The following PIGV variants were observed in gnomAD, a reference collection of about 807,000 sequenced individuals.
PIGV encodes GPI alpha-1,6-mannosyltransferase 2.
Under a neutral mutation model 39.2 loss-of-function variants are expected in PIGV, and 27 were observed. That is an observed-to-expected ratio of 0.69 (90% CI 0.51 to 0.95). The LOEUF is 0.95. Among genes scored for constraint, PIGV ranks in the 40% least tolerant of loss-of-function variants. The pLI, the probability that PIGV is intolerant of heterozygous loss-of-function variation, is 0.00. For synonymous variants in PIGV, 232 were observed against 241.7 expected (o/e 0.96, Z 0.37); for missense variants, 523 against 586.4 (o/e 0.89, Z 1.12).
rs1323114477 is a variant in PIGV, at chr1:26,794,681, C to A, written c.647C>A (p.Ser216Tyr). The change falls in exon 3 of 4, where the codon TCT (serine) becomes TAT (tyrosine). Residue 216 changes from serine to tyrosine, a missense_variant. Coordinates refer to ENST00000674202, the MANE Select transcript of PIGV (RefSeq NM_017837.4). ...GLVSVGFLMHSQCQGFFSSLT... is the reference protein window; with the variant it reads ...GLVSVGFLMHYQCQGFFSSLT... ...GTCAGTGTTGGCTTCCTCATGCATTCTCAATGCCAAGGCTTTTTCTCTTCT... is the reference window on the plus strand; with the variant it reads ...GTCAGTGTTGGCTTCCTCATGCATTATCAATGCCAAGGCTTTTTCTCTTCT... The A allele has an allele frequency of 6.2e-7, 1 of 1,614,214 alleles. No individual in the cohort carries two copies. The highest frequency in any genetic ancestry group is 1.1e-5 in the South Asian group (1 of 91,074).
In PIGV at chr1:26,794,387, C is replaced by T. The variant is rs1320617918; in HGVS notation, c.353C>T (p.Ser118Leu). 3.1e-6 allele frequency: 5 copies of T among 1,614,110 alleles called. No individual in the cohort carries two copies. Among genetic ancestry groups the T allele is most frequent in the Admixed American group, 1.7e-5 (1 of 60,004 alleles). Residue 118 changes from serine to leucine, a missense_variant, in exon 3 of 4, where the codon TCG becomes TTG. Physicochemically the swap from Ser to Leu is moderately radical, Grantham distance 145 (BLOSUM62 -2). Transcript: ENST00000674202. ...LLSLRSCLLI[S>L]VASLNFLFFM... ...AGTCTACGCAGTTGCCTGCTGATTT[C>T]GGTAGCATCACTCAATTTCTTGTTC...
Position 26,797,848 on chromosome 1 carries a change from G to A in PIGV, c.*4G>A, listed in dbSNP as rs889998573. 14 of 1,613,966 alleles carry A rather than the reference G, an allele frequency of 8.7e-6. 1 individual carries two copies. In the African/African-American group the frequency reaches 1.9e-4, roughly 22 times the overall value. On this transcript the variant is annotated 3_prime_UTR_variant, in exon 4 of 4. Transcript: ENST00000674202. ...CAACTTCCTGCCTTGGACATGACCTGGACTCTCCAGGGACAGGTTGGAAGC... is the reference window on the plus strand; with the variant it reads ...CAACTTCCTGCCTTGGACATGACCTAGACTCTCCAGGGACAGGTTGGAAGC...
chr1:26,794,233 G>A lies in PIGV; in HGVS notation c.199G>A (p.Asp67Asn), dbSNP rs773179141. 5.6e-6 allele frequency: 9 copies of A among 1,614,090 alleles called. No homozygotes were observed. Among genetic ancestry groups the A allele is most frequent in the Non-Finnish European group, 7.6e-6 (9 of 1,180,046 alleles). Reference protein sequence around the residue: ...EGLLGGLSHWDAEHFLFIAEH... With the variant: ...EGLLGGLSHWNAEHFLFIAEH... ...TCTTCTGGGCGGCCTGTCTCACTGG[G>A]ATGCTGAACACTTCTTGTTCATTGC... Residue 67 changes from aspartate (D) to asparagine (N), a missense_variant, in exon 3 of 4, where the codon GAT (aspartate) becomes AAT (asparagine). Physicochemically the swap from Asp to Asn is conservative, Grantham distance 23. Coordinates refer to ENST00000674202, the MANE Select transcript of PIGV (RefSeq NM_017837.4).
chr1:26,791,094 C>T lies in PIGV; in HGVS notation c.78+201C>T, dbSNP rs145523998. ...TGATCTTGTTTTACCCATGAAGCAG[C>T]AGAGGCCCAGAAAGGTTAAGTGACA... On this transcript the variant is annotated intron_variant, in intron 2 of 3. Transcript: ENST00000674202. 5.0e-4 allele frequency among the ~76,000 whole-genome samples: 76 copies of T among 152,212 alleles called. 1 individual carries two copies. Among genetic ancestry groups the T allele is most frequent in the African/African-American group, 1.8e-3 (73 of 41,542 alleles).
At chr1:26,788,989 G>C (rs946118505) in intron 1 of PIGV, 2 of 152,206 alleles carry the variant, frequency 1.3e-5, no homozygotes, top group African/African-American at 4.8e-5. Flanking sequence ...AGCTTGACTC[G>C]AGAGAGGAAA....
At chr1:26,795,709 CAAAAAA>C (rs1005170504) in intron 3 of PIGV, among the ~76,000 whole-genome samples, 3,535 of 27,412 alleles carry the variant, frequency 0.13, 65 homozygotes, top group Middle Eastern at 0.21. Flanking sequence ...GACTCTATCT[CAAAAAA>C]AAAAAAAAAA....
In PIGV at chr1:26,794,828, T is replaced by C. The variant is rs377225655; in HGVS notation, c.794T>C (p.Leu265Pro). The C allele has an allele frequency of 5.6e-6, 9 of 1,613,810 alleles. No individual in the cohort carries two copies. The highest frequency in any genetic ancestry group is 1.6e-4 in the Middle Eastern group (1 of 6,080). ...FQYYAYTQFC[L>P]PGSARPIPEP... ...TATTATGCCTACACCCAATTCTGTCTGCCAGGCTCAGCCCGCCCCATTCCT... is the reference window on the plus strand; with the variant it reads ...TATTATGCCTACACCCAATTCTGTCCGCCAGGCTCAGCCCGCCCCATTCCT... The change falls in exon 3 of 4, where the codon CTG becomes CCG. Residue 265 changes from leucine (L) to proline (P), a missense_variant. Leu to Pro is a moderately conservative substitution (Grantham distance 98). Transcript: ENST00000674202.
rs780914036 is a variant in PIGV at position 26,794,030 on chromosome 1, T to C, written c.79-83T>C. The C allele has an allele frequency of 1.2e-4, 155 of 1,341,614 alleles. No homozygotes were observed. In the Middle Eastern group the frequency reaches 2.0e-3, roughly 17 times the overall value. 83.1% of individuals were successfully genotyped at this position (1,341,614 alleles called of 1,614,324 possible). On this transcript the variant is annotated intron_variant, in intron 2 of 3. Transcript: ENST00000674202. ...AAAGTGGGGATTACAGGCATGAGCC[T>C]GGCCTTCTTCCTCATTTTATTAAAT...
chr1:26,797,496 G>A (rs1459236211), intron 3 of PIGV, 67 bp from the exon 4 acceptor site: 1 of 1,362,656 alleles, frequency 7.3e-7, no homozygotes, highest in South Asian at 1.2e-5. Context: ...GAAGTCCCCG[G>A]GCTGGTCCAA....
rs369959763 is a variant in PIGV at position 26,794,413 on chromosome 1, T to C, written c.379T>C (p.Phe127Leu). 2.5e-6 allele frequency: 4 copies of C among 1,614,158 alleles called. No individual in the cohort carries two copies. The African/African-American group carries it at 5.3e-5, about 22-fold the overall frequency. Reference sequence around the variant, plus strand: ...GGTAGCATCACTCAATTTCTTGTTCTTCATGTTGGCTGCAGTTGCACTTCA... The same window carrying C: ...GGTAGCATCACTCAATTTCTTGTTCCTCATGTTGGCTGCAGTTGCACTTCA... ...ISVASLNFLF[F>L]MLAAVALHDL... is the part of the protein sequence containing the mutation. Residue 127 changes from phenylalanine (F) to leucine (L), a missense_variant, in exon 3 of 4, where the codon TTC becomes CTC. Coordinates refer to ENST00000674202, the MANE Select transcript of PIGV (RefSeq NM_017837.4).
rs1418059952 is a variant in PIGV at position 26,800,578 on chromosome 1, T to C, written c.*2734T>C. 6.6e-6 allele frequency among the ~76,000 whole-genome samples: 1 copy of C among 152,168 alleles called. No homozygotes were observed. Among genetic ancestry groups the C allele is most frequent in the Non-Finnish European group, 1.5e-5 (1 of 68,030 alleles). On this transcript the variant is annotated 3_prime_UTR_variant, in exon 4 of 4. Coordinates refer to ENST00000674202, the MANE Select transcript of PIGV (RefSeq NM_017837.4). ...ATCTGAAAATGTAATATGTGCAGGCTCAAGGGATTTGAAACTGATTGATTC... is the reference window on the plus strand; with the variant it reads ...ATCTGAAAATGTAATATGTGCAGGCCCAAGGGATTTGAAACTGATTGATTC...
In PIGV at chr1:26,800,362, C is replaced by T. The variant is rs1035522142; in HGVS notation, c.*2518C>T. On this transcript the variant is annotated 3_prime_UTR_variant, in exon 4 of 4. Coordinates refer to ENST00000674202, the MANE Select transcript of PIGV (RefSeq NM_017837.4). ...ACAATGCCACAGCTAGGTGGGGTGT[C>T]TACAGTTTCAGAGAAAAGTCATTTC... 7.9e-5 allele frequency among the ~76,000 whole-genome samples: 12 copies of T among 151,644 alleles called. No homozygotes were observed. The highest frequency in any genetic ancestry group is 1.6e-4 in the Non-Finnish European group (11 of 67,976).
chr1:26,797,684 A>G lies in PIGV; in HGVS notation c.1322A>G (p.Glu441Gly). The G allele has an allele frequency of 1.2e-6, 2 of 1,614,190 alleles. No individual in the cohort carries two copies. The highest frequency in any genetic ancestry group is 1.7e-6 in the Non-Finnish European group (2 of 1,180,014). ...ACTGTGCCTTGGAAGCCTCTTGCAGAGGACTCCCCACCAGGACAAAAGGTC... is the reference window on the plus strand; with the variant it reads ...ACTGTGCCTTGGAAGCCTCTTGCAGGGGACTCCCCACCAGGACAAAAGGTC... ...LKTVPWKPLAEDSPPGQKVPR... is the reference protein window; with the variant it reads ...LKTVPWKPLAGDSPPGQKVPR... Residue 441 changes from glutamate (E) to glycine (G), a missense_variant, in exon 4 of 4, where the codon GAG (glutamate) becomes GGG (glycine). Glu to Gly is a moderately conservative substitution (Grantham distance 98). Coordinates refer to ENST00000674202, the MANE Select transcript of PIGV (RefSeq NM_017837.4).
At chr1:26,789,636 C>T (rs2081285570) in intron 1 of PIGV, among the ~76,000 whole-genome samples, 1 of 152,094 alleles carries the variant, frequency 6.6e-6, no homozygotes, top group Non-Finnish European at 1.5e-5. Flanking sequence ...CTTAAATAAG[C>T]AATAGCAATA....
chr1:26,800,234 C>T lies in PIGV; in HGVS notation c.*2390C>T, dbSNP rs1441458012. Among the ~76,000 whole-genome samples, 1 of 151,088 alleles carries T rather than the reference C, an allele frequency of 6.6e-6. No homozygotes were observed. The highest frequency in any genetic ancestry group is 1.5e-5 in the Non-Finnish European group (1 of 67,880). Reference sequence around the variant, plus strand: ...CTAAGGAATGGGCTGATTTTATGACCAGCAGCTGTCCTTTTACCATCCTAT... The same window carrying T: ...CTAAGGAATGGGCTGATTTTATGACTAGCAGCTGTCCTTTTACCATCCTAT... On this transcript the variant is annotated 3_prime_UTR_variant, in exon 4 of 4. Transcript: ENST00000674202.
At chr1:26,788,775 A>G (rs946332340) in intron 1 of PIGV, 6 of 152,168 alleles carry the variant, frequency 3.9e-5, no homozygotes, top group Non-Finnish European at 7.4e-5. Context: ...TCTGGAGCCT[A>G]TTTATCTCAC....
chr1:26,787,061 G>A (rs1274346167), upstream of PIGV, among the ~76,000 whole-genome samples: 1 of 152,186 alleles, frequency 6.6e-6, no homozygotes, highest in Non-Finnish European at 1.5e-5. Flanking sequence ...TGTGGCCAGA[G>A]GCTAACCCGG....
At chr1:26,791,916 G>A (rs2081314192) in intron 2 of PIGV, among the ~76,000 whole-genome samples, 1 of 152,214 alleles carries the variant, frequency 6.6e-6, no homozygotes, top group Admixed American at 6.5e-5. Context: ...AGCATCAGCT[G>A]GGTTACTGGC....
In PIGV at chr1:26,799,363, A is replaced by G. The variant is rs1570650860; in HGVS notation, c.*1519A>G. On this transcript the variant is annotated 3_prime_UTR_variant, in exon 4 of 4. Transcript: ENST00000674202. ...CCCGTTTGGTCATGAGCCTATCACTATAATGGTAGTAAGATCACTGGCCCC... is the reference window on the plus strand; with the variant it reads ...CCCGTTTGGTCATGAGCCTATCACTGTAATGGTAGTAAGATCACTGGCCCC... Among the ~76,000 whole-genome samples the G allele has an allele frequency of 6.6e-6, 1 of 152,206 alleles. No individual in the cohort carries two copies. The highest frequency in any genetic ancestry group is 1.5e-5 in the Non-Finnish European group (1 of 68,032).
Sources: allele counts gnomAD v4.1 joint callset (sites outside exome capture counted in the v4.1 genomes callset), GRCh38; gene constraint gnomAD v4.1.1; transcripts MANE v1.5; gene names NCBI Gene and HGNC (gene_info 2026-07-23, HGNC 2026-07-21).